The following ELOVL5 variants were observed in gnomAD, a reference collection of about 807,000 sequenced individuals.
ELOVL5 encodes very long chain fatty acid elongase 5.
ELOVL5 carries 8 observed loss-of-function variants against 38.6 expected under a neutral mutation model. That is an observed-to-expected ratio of 0.21 (90% CI 0.12 to 0.37). The LOEUF (loss-of-function observed/expected upper bound fraction) is 0.37, where lower values mean the gene tolerates loss of function less well. ELOVL5 is among the 10% of genes least tolerant of loss of function. ELOVL5 has a pLI of 1.00. For missense variants in ELOVL5, 280 were observed against 367.8 expected, an observed-to-expected ratio of 0.76 and a Z score of 1.95; for synonymous variants, 127 against 133.7, an observed-to-expected ratio of 0.95 and a Z score of 0.34.
intron 1 of ELOVL5, among the ~76,000 whole-genome samples, chr6:53,338,600 A>T (rs74378777): frequency 0.011 from 1,702 of 152,312 alleles, 26 homozygotes; most frequent in African/African-American, 0.039. Flanking sequence ...CCAAGATACT[A>T]CACACGCCTC....
At chr6:53,327,696 T>A (rs1768609753) in intron 1 of ELOVL5, among the ~76,000 whole-genome samples, 1 of 152,226 alleles carries the variant, frequency 6.6e-6, no homozygotes, top group African/African-American at 2.4e-5. Flanking sequence ...ACACTTCAAT[T>A]GAAAAATTTC....
intron 6 of ELOVL5, among the ~76,000 whole-genome samples, chr6:53,271,159 T>C (rs1402686012): frequency 6.6e-6 from 1 of 152,232 alleles, no homozygotes. Flanking sequence ...TTTAAACCTT[T>C]ACTGGCAAAC....
At chr6:53,300,245 A>G (rs926325741) in intron 1 of ELOVL5, among the ~76,000 whole-genome samples, 14 of 152,048 alleles carry the variant, frequency 9.2e-5, no homozygotes, top group Admixed American at 7.9e-4. Context: ...AAGCTTCATC[A>G]TTTACTCAAT....
chr6:53,346,131 G>A lies in ELOVL5; in HGVS notation c.-9+2686C>T, dbSNP rs143030775. 3.5e-3 allele frequency among the ~76,000 whole-genome samples: 529 copies of A among 152,098 alleles called. 7 individuals carry two copies. Among genetic ancestry groups the A allele is most frequent in the East Asian group, 0.031 (162 of 5,172 alleles). On this transcript the variant is annotated intron_variant, in intron 1 of 7. Coordinates refer to ENST00000304434, the MANE Select transcript of ELOVL5 (RefSeq NM_021814.5). ...CTGTGTCCATGTGTTCTCACTGTTCGACTCCCACTTATGAGTGAGAATATG... is the reference window on the plus strand; with the variant it reads ...CTGTGTCCATGTGTTCTCACTGTTCAACTCCCACTTATGAGTGAGAATATG...
chr6:53,292,342 C>T (rs532160479), intron 2 of ELOVL5, among the ~76,000 whole-genome samples: 4 of 152,334 alleles, frequency 2.6e-5, no homozygotes, highest in African/African-American at 9.6e-5. Flanking sequence ...ACTCTGAAGT[C>T]CTCCATCTCA....
chr6:53,329,218 GCTA>G (rs1357421788), intron 1 of ELOVL5, among the ~76,000 whole-genome samples: 1 of 143,270 alleles, frequency 7.0e-6, no homozygotes, highest in Non-Finnish European at 1.5e-5. Context: ...TACTGCTACT[GCTA>G]CTACGAGATT....
At chr6:53,281,344 G>A (rs1316314788) in intron 3 of ELOVL5, among the ~76,000 whole-genome samples, 1 of 152,176 alleles carries the variant, frequency 6.6e-6, no homozygotes, top group Non-Finnish European at 1.5e-5. Context: ...TTGTTTCTGT[G>A]TGAGTCCTCA....
At chr6:53,298,965 G>C (rs1767137490) in intron 1 of ELOVL5, among the ~76,000 whole-genome samples, 1 of 151,008 alleles carries the variant, frequency 6.6e-6, no homozygotes, top group Non-Finnish European at 1.5e-5. Flanking sequence ...ACCCAAACAT[G>C]AAAGACAAAA....
intron 3 of ELOVL5, among the ~76,000 whole-genome samples, chr6:53,286,325 G>C (rs1766569005): frequency 6.6e-6 from 1 of 152,152 alleles, no homozygotes. Flanking sequence ...ACTTTGGGAG[G>C]CTGATGTGGG....
chr6:53,276,328 T>G (rs577576439), intron 3 of ELOVL5, 72 bp from the exon 4 acceptor site: 5 of 1,002,476 alleles, frequency 5.0e-6, no homozygotes, highest in Non-Finnish European at 7.9e-6. Context: ...CTTTATTAGT[T>G]GCAGAATCTG....
At chr6:53,275,342 C>G in intron 4 of ELOVL5, 81 bp from the exon 5 acceptor site, 1 of 1,449,290 alleles carries the variant, frequency 6.9e-7, no homozygotes, top group South Asian at 1.2e-5. Context: ...TCACTAATAT[C>G]CAAAAATCTG....
intron 1 of ELOVL5, among the ~76,000 whole-genome samples, chr6:53,335,415 G>A (rs771494824): frequency 2.6e-5 from 4 of 152,036 alleles, no homozygotes; most frequent in African/African-American, 4.8e-5. Flanking sequence ...CTTTGCCTCC[G>A]AGCCTTTGCT....
At chr6:53,341,384 TACTTAGGTCTG>T (rs1209898155) in intron 1 of ELOVL5, among the ~76,000 whole-genome samples, 2 of 152,220 alleles carry the variant, frequency 1.3e-5, no homozygotes, top group African/African-American at 2.4e-5. Context: ...CAAAGATCAC[TACTTAGGTCTG>T]ACAGGTGTAC....
At chr6:53,348,333 A>G (rs1295832583) in intron 1 of ELOVL5, among the ~76,000 whole-genome samples, 1 of 151,192 alleles carries the variant, frequency 6.6e-6, no homozygotes, top group Non-Finnish European at 1.5e-5. Context: ...ACCCTCGCAC[A>G]GGCTCTTCGA....
intron 1 of ELOVL5, among the ~76,000 whole-genome samples, chr6:53,336,712 C>T (rs1459204028): frequency 6.6e-6 from 1 of 152,160 alleles, no homozygotes; most frequent in Non-Finnish European, 1.5e-5. Context: ...CATCAAAGTT[C>T]ACCCTATTCC....
chr6:53,340,356 G>A (rs190142863), intron 1 of ELOVL5, among the ~76,000 whole-genome samples: 169 of 152,210 alleles, frequency 1.1e-3, no homozygotes, highest in Non-Finnish European at 2.0e-3. Flanking sequence ...ACAAAGTGCT[G>A]AGATTACAGA....
chr6:53,340,233 T>C (rs903452422), intron 1 of ELOVL5, among the ~76,000 whole-genome samples: 2 of 151,638 alleles, frequency 1.3e-5, no homozygotes, highest in East Asian at 3.9e-4. Flanking sequence ...GGAAGAAAAA[T>C]ATATATTAAA....
rs766661591 is a variant in ELOVL5 at position 53,344,333 on chromosome 6, C to T, written c.-9+4484G>A. Among the ~76,000 whole-genome samples the T allele has an allele frequency of 3.3e-4, 51 of 152,262 alleles. 1 individual carries two copies. The highest frequency in any genetic ancestry group is 1.6e-3 in the Admixed American group (24 of 15,296). ...TCCTGGACACAGTCTCTCACAATTA[C>T]CTCTCTCAAGTCTGTGCTCATGGCT... On this transcript the variant is annotated intron_variant, in intron 1 of 7. Transcript: ENST00000304434.
intron 1 of ELOVL5, among the ~76,000 whole-genome samples, chr6:53,345,357 T>A (rs950100409): frequency 6.6e-6 from 1 of 152,164 alleles, no homozygotes; most frequent in African/African-American, 2.4e-5. Context: ...ACCAAAAGCA[T>A]CCTGACCAAT....
Sources: allele counts gnomAD v4.1 joint callset (sites outside exome capture counted in the v4.1 genomes callset), GRCh38; gene constraint gnomAD v4.1.1; transcripts MANE v1.5; gene names NCBI Gene and HGNC (gene_info 2026-07-23, HGNC 2026-07-21).